The following RP1 variants were observed in gnomAD, a reference collection of about 807,000 sequenced individuals.
RP1 encodes oxygen-regulated protein 1.
A neutral mutation model predicts 14.8 loss-of-function variants in RP1; 16 were observed. The ratio of observed to expected loss-of-function variants is 1.08; its 90% CI spans 0.73 to 1.65. The LOEUF is 1.65. Ranked by LOEUF, RP1 falls within the 40% of genes most tolerant of loss-of-function variation. The pLI is 0.00. For synonymous variants in RP1, 876 were observed against 883.6 expected, an observed-to-expected ratio of 0.99 and a Z score of 0.15; for missense variants, 2,631 against 2,535.0, an observed-to-expected ratio of 1.04 and a Z score of -0.81.
At position 54,626,335 on chromosome 8, in the gene RP1, GT is replaced by G; in HGVS notation, c.2456del (p.Leu819TyrfsTer29). 6.2e-7 allele frequency: 1 copy of G among 1,613,450 alleles called. No individual in the cohort carries two copies. The highest frequency in any genetic ancestry group is 8.5e-7 in the Non-Finnish European group (1 of 1,179,816). On this transcript the variant is annotated frameshift_variant, in exon 4 of 4. Transcript: ENST00000220676. LOFTEE classifies it low-confidence loss of function (END_TRUNC). ...TGCAAAAGTACTTTTGAAAACAAAAGTTTATTTCATGTATTTAACATCCTTG... is the reference window on the plus strand; with the variant it reads ...TGCAAAAGTACTTTTGAAAACAAAAGTTATTTCATGTATTTAACATCCTTG... ...KYCKSTFENKSLFHVFNILEQ... is the reference protein window; with the variant it reads ...KYCKSTFENKXLFHVFNILEQ...
downstream of RP1, among the ~76,000 whole-genome samples, chr8:54,771,726 C>G (rs1368162211): frequency 6.6e-6 from 1 of 151,854 alleles, no homozygotes; most frequent in Non-Finnish European, 1.5e-5. Context: ...ATAATGCAAC[C>G]TTTAATATTT....
intron 25 of RP1, among the ~76,000 whole-genome samples, chr8:54,852,115 G>GC (rs901444889): frequency 6.7e-6 from 1 of 150,310 alleles, no homozygotes. Flanking sequence ...TAGGATCTTT[G>GC]TTTTTTTTTC....
intron 5 of RP1, among the ~76,000 whole-genome samples, chr8:54,654,808 T>C (rs993765292): frequency 2.6e-5 from 4 of 152,086 alleles, no homozygotes; most frequent in Non-Finnish European, 4.4e-5. Flanking sequence ...CCACCACACC[T>C]GGCTAATTTT....
At chr8:54,601,595 T>A (rs1416860893) in intron 1 of RP1, among the ~76,000 whole-genome samples, 3 of 135,660 alleles carry the variant, frequency 2.2e-5, no homozygotes, top group African/African-American at 5.8e-5. Flanking sequence ...AATAAAAAAC[T>A]TAGAAAAAAA....
At position 54,569,435 on chromosome 8, in the gene RP1, C is replaced by T. The variant is rs543684795; in HGVS notation, c.-13+10115C>T. The stretch of plus-strand genomic sequence containing the variant: ...TTGCCTTGCCTTGTAGATCTATGTA[C>T]GGGGAAAGAATGAATGGGCCATATT... On this transcript the variant is annotated intron_variant, in intron 1 of 22. Coordinates refer to the RP1 transcript ENST00000636932. Among the ~76,000 whole-genome samples, 261 of 152,220 alleles carry T rather than the reference C, an allele frequency of 1.7e-3. 1 individual carries two copies. Among genetic ancestry groups the T allele is most frequent in the African/African-American group, 5.4e-3 (224 of 41,532 alleles).
At chr8:54,784,237 C>T (rs1810264770) in intron 24 of RP1, among the ~76,000 whole-genome samples, 1 of 152,114 alleles carries the variant, frequency 6.6e-6, no homozygotes, top group Admixed American at 6.6e-5. Context: ...GCCTCACTTT[C>T]CTCAATAATC....
chr8:54,744,698 C>T lies in RP1; in HGVS notation c.2808+5669C>T, dbSNP rs1257499323. Among the ~76,000 whole-genome samples the T allele has an allele frequency of 2.0e-5, 3 of 152,180 alleles. No individual in the cohort carries two copies. The East Asian group carries it at 5.8e-4, about 29-fold the overall frequency. On this transcript the variant is annotated intron_variant, in intron 19 of 22. Transcript: ENST00000636932. ...TTAAACTCCAGTCATTATTTCTTCCCTCAGTATTTCACAAATACACTGGAA... is the reference window on the plus strand; with the variant it reads ...TTAAACTCCAGTCATTATTTCTTCCTTCAGTATTTCACAAATACACTGGAA...
chr8:54,852,661 G>A, exon 26 of RP1: 2 of 1,232,000 alleles, frequency 1.6e-6, no homozygotes, highest in Non-Finnish European at 2.0e-6. Flanking sequence ...ATCGGTACCA[G>A]AGGTGATTCA....
At chr8:54,721,856 T>C (rs1374879876) in intron 16 of RP1, among the ~76,000 whole-genome samples, 1 of 152,204 alleles carries the variant, frequency 6.6e-6, no homozygotes, top group Non-Finnish European at 1.5e-5. Context: ...AATAATACTT[T>C]CCAGTTTCAC....
chr8:54,646,118 C>A (rs539379906), intron 3 of RP1, among the ~76,000 whole-genome samples: 1 of 152,168 alleles, frequency 6.6e-6, no homozygotes, highest in South Asian at 2.1e-4. Context: ...CATAGCATTT[C>A]TGAGAAAACT....
At chr8:54,787,882 T>C (rs1810363774) in intron 24 of RP1, among the ~76,000 whole-genome samples, 1 of 152,236 alleles carries the variant, frequency 6.6e-6, no homozygotes, top group Non-Finnish European at 1.5e-5. Context: ...CTCTGCTCTT[T>C]ACTATATAAG....
chr8:54,589,465 G>T (rs1804997834), intron 1 of RP1, among the ~76,000 whole-genome samples: 1 of 151,838 alleles, frequency 6.6e-6, no homozygotes, highest in Non-Finnish European at 1.5e-5. Context: ...AGAGAAAGTG[G>T]AAAAAAAGGG....
In RP1 at chr8:54,762,650, G is replaced by T. The variant is rs1384864007; in HGVS notation, c.3248+3574G>T. 2.0e-5 allele frequency among the ~76,000 whole-genome samples: 3 copies of T among 152,226 alleles called. No homozygotes were observed. The South Asian group carries it at 6.2e-4, about 32-fold the overall frequency. ...ATATTTTCATTTAGTATTTATATTA[G>T]CTTCCTGTGGCTGCCGTAACAAATT... On this transcript the variant is annotated intron_variant, in intron 22 of 22. Coordinates refer to the RP1 transcript ENST00000636932.
intron 19 of RP1, among the ~76,000 whole-genome samples, chr8:54,743,512 T>C (rs1385530994): frequency 6.6e-6 from 1 of 152,218 alleles, no homozygotes; most frequent in Non-Finnish European, 1.5e-5. Context: ...ATTTCATTTA[T>C]TTATTCATAC....
At chr8:54,740,393 G>C (rs1306079742) in intron 19 of RP1, among the ~76,000 whole-genome samples, 4 of 63,848 alleles carry the variant, frequency 6.3e-5, no homozygotes, top group Admixed American at 1.8e-4. Context: ...TAACAAGAAA[G>C]CTTAAAAAGT....
intron 1 of RP1, among the ~76,000 whole-genome samples, chr8:54,572,921 A>G (rs1281629557): frequency 6.6e-6 from 1 of 152,312 alleles, no homozygotes; most frequent in East Asian, 1.9e-4. Flanking sequence ...GTCTAATAAC[A>G]TATTTAAGAA....
chr8:54,838,887 C>A (rs1270285826), intron 25 of RP1, among the ~76,000 whole-genome samples: 3 of 152,072 alleles, frequency 2.0e-5, no homozygotes, highest in Non-Finnish European at 2.9e-5. Context: ...GCCAAGAATG[C>A]CTTGTCTGTA....
chr8:54,860,469 C>T (rs1335225311), intron 27 of RP1, among the ~76,000 whole-genome samples: 1 of 152,130 alleles, frequency 6.6e-6, no homozygotes, highest in Non-Finnish European at 1.5e-5. Flanking sequence ...AAATTTGTAG[C>T]AAATTTGTAG....
Position 54,621,016 on chromosome 8 carries a change from C to A in RP1, c.50C>A (p.Ser17Tyr), listed in dbSNP as rs751706452. Residue 17 changes from serine (S) to tyrosine (Y), a missense_variant, in exon 2 of 4, where the codon TCT becomes TAT. Coordinates refer to ENST00000220676, the MANE Select transcript of RP1 (RefSeq NM_006269.2). ...TGFSIIHPTS[S>Y]EGQVPPPRHL... ...TTTTCCATCATTCATCCTACGTCTTCTGAAGGTCAAGTTCCACCCCCTCGC... is the reference window on the plus strand; with the variant it reads ...TTTTCCATCATTCATCCTACGTCTTATGAAGGTCAAGTTCCACCCCCTCGC... The A allele has an allele frequency of 5.6e-6, 9 of 1,614,070 alleles. No individual in the cohort carries two copies. The Admixed American group carries it at 1.2e-4, about 21-fold the overall frequency.
Sources: gnomAD v4.1 joint callset for allele counts (sites outside exome capture counted in the v4.1 genomes callset) on GRCh38, gnomAD v4.1.1 for gene constraint, MANE v1.5 for transcripts, NCBI Gene and HGNC (gene_info 2026-07-23, HGNC 2026-07-21) for gene names.